ZC3H12C: variants seen among roughly 807,000 people sequenced by gnomAD.
The protein encoded by ZC3H12C is probable ribonuclease ZC3H12C.
ZC3H12C carries 20 observed loss-of-function variants against 76.3 expected under a neutral mutation model. The ratio of observed to expected loss-of-function variants is 0.26; its 90% confidence interval spans 0.18 to 0.38. ZC3H12C has a LOEUF of 0.38. Among genes scored for constraint, ZC3H12C ranks in the 10% least tolerant of loss-of-function variants. The probability of loss-of-function intolerance (pLI) is 1.00; values close to 1 mark genes in which losing one functional copy is unlikely to be tolerated. For synonymous variants in ZC3H12C, 352 were observed against 399.6 expected (o/e 0.88, Z 1.42); for missense variants, 874 against 1,086.5 (o/e 0.80, Z 2.75).
At chr11:110,151,004 A>T (rs1365507306) in intron 2 of ZC3H12C, among the ~76,000 whole-genome samples, 1 of 152,088 alleles carries the variant, frequency 6.6e-6, no homozygotes, top group Non-Finnish European at 1.5e-5. Flanking sequence ...CACATGGAGG[A>T]TTATATTTTT....
In ZC3H12C at chr11:110,117,869, TACAC is replaced by T. The variant is rs1331183710; in HGVS notation, c.22-18788_22-18785del. ...CACACACACATATATATAATATATA[TACAC>T]ACACATATATATATTATATATATAC... On this transcript the variant is annotated intron_variant, in intron 1 of 5. Transcript: ENST00000278590. Among the ~76,000 whole-genome samples, 176 of 74,848 alleles carry T rather than the reference TACAC, an allele frequency of 2.4e-3. 32 individuals are homozygous for T. The highest frequency in any genetic ancestry group is 3.9e-3 in the Non-Finnish European group (125 of 32,378). 49.1% of individuals were successfully genotyped at this position (74,848 alleles called of 152,430 possible).
At chr11:110,121,159 G>T (rs1861644583) in intron 1 of ZC3H12C, among the ~76,000 whole-genome samples, 1 of 152,194 alleles carries the variant, frequency 6.6e-6, no homozygotes, top group Admixed American at 6.5e-5. Flanking sequence ...AAAATTGAGA[G>T]AACTGCCGCT....
In ZC3H12C at chr11:110,165,608, T is replaced by A. The variant is rs139951125; in HGVS notation, c.2523T>A (p.Ile841=). The stretch of plus-strand genomic sequence containing the variant: ...GGTATCAAGACAACCGAGAAAAGAT[T>A]TATATCAATTTGTGCAACATCTTCC... ...PPRYQDNREK[I]YINLCNIFPP... The change falls in exon 6 of 6, where the codon ATT becomes ATA. Residue 841 remains isoleucine (I), a synonymous_variant. Transcript: ENST00000278590. 6.2e-7 allele frequency: 1 copy of A among 1,603,220 alleles called. No individual in the cohort carries two copies. Among genetic ancestry groups the A allele is most frequent in the East Asian group, 2.2e-5 (1 of 44,530 alleles).
intron 4 of ZC3H12C, among the ~76,000 whole-genome samples, chr11:110,159,876 G>A (rs1862446681): frequency 3.3e-5 from 5 of 152,208 alleles, no homozygotes; most frequent in Non-Finnish European, 2.9e-5. Context: ...CTTAACAACA[G>A]GGATACGTTC....
At chr11:110,125,937 C>T (rs1295975833) in intron 1 of ZC3H12C, among the ~76,000 whole-genome samples, 3 of 152,116 alleles carry the variant, frequency 2.0e-5, no homozygotes, top group East Asian at 1.9e-4. Context: ...AAATGAAACC[C>T]GGGGTTTAGT....
intron 3 of ZC3H12C, among the ~76,000 whole-genome samples, chr11:110,156,888 G>A (rs1468165215): frequency 6.6e-6 from 1 of 152,142 alleles, no homozygotes; most frequent in African/African-American, 2.4e-5. Flanking sequence ...TTCTAAAAGA[G>A]ATCAACAGTA....
chr11:110,160,090 C>G (rs1334907547), intron 4 of ZC3H12C, among the ~76,000 whole-genome samples: 1 of 152,194 alleles, frequency 6.6e-6, no homozygotes, highest in Non-Finnish European at 1.5e-5. Context: ...GTTTGTATAT[C>G]TAAACATACC....
rs887173273 is a variant in ZC3H12C, at chr11:110,108,038, C to T, written c.21+14606C>T. Among the ~76,000 whole-genome samples, 8 of 152,256 alleles carry T rather than the reference C, an allele frequency of 5.3e-5. No homozygotes were observed. In the East Asian group the frequency reaches 1.5e-3, roughly 29 times the overall value. ...TAATGGCTCACTGCAGCCTCAACTT[C>T]CCGGGCTCAAGCTATCCTCTCACCT... is the stretch of plus-strand genomic sequence containing the variant. On this transcript the variant is annotated intron_variant, in intron 1 of 5. Coordinates refer to ENST00000278590, the MANE Select transcript of ZC3H12C (RefSeq NM_033390.2).
chr11:110,140,253 G>T (rs892051892), intron 2 of ZC3H12C, among the ~76,000 whole-genome samples: 5 of 152,100 alleles, frequency 3.3e-5, no homozygotes, highest in Admixed American at 6.5e-5. Flanking sequence ...TCACATCACT[G>T]CACTCCAGCC....
At chr11:110,128,432 T>C (rs577331473) in intron 1 of ZC3H12C, among the ~76,000 whole-genome samples, 1 of 152,362 alleles carries the variant, frequency 6.6e-6, no homozygotes, top group East Asian at 1.9e-4. Context: ...GGCTTCCTGC[T>C]GAGCCCTGGG....
intron 2 of ZC3H12C, among the ~76,000 whole-genome samples, chr11:110,140,451 A>G (rs1862049200): frequency 6.6e-6 from 1 of 152,204 alleles, no homozygotes; most frequent in Non-Finnish European, 1.5e-5. Context: ...ATCCCATTTC[A>G]GCTTCTTCCA....
chr11:110,156,901 C>G (rs1862385711), intron 3 of ZC3H12C, among the ~76,000 whole-genome samples: 1 of 152,198 alleles, frequency 6.6e-6, no homozygotes, highest in South Asian at 2.1e-4. Flanking sequence ...CAACAGTAGG[C>G]CAGGCACAGT....
intron 1 of ZC3H12C, among the ~76,000 whole-genome samples, chr11:110,096,608 C>A (rs930980441): frequency 2.6e-5 from 4 of 152,072 alleles, no homozygotes; most frequent in African/African-American, 9.7e-5. Flanking sequence ...ACTTTATAAC[C>A]CATGATCTTA....
rs1417958416 is a variant in ZC3H12C, at chr11:110,164,892, G to C, written c.1807G>C (p.Gly603Arg). The C allele has an allele frequency of 6.2e-7, 1 of 1,613,962 alleles. No individual in the cohort carries two copies. The highest frequency in any genetic ancestry group is 8.5e-7 in the Non-Finnish European group (1 of 1,179,878). The change falls in exon 6 of 6, where the codon GGC (glycine) becomes CGC (arginine). Residue 603 changes from glycine to arginine, a missense_variant. By Grantham distance (125) the Gly-to-Arg change is moderately radical. Coordinates refer to ENST00000278590, the MANE Select transcript of ZC3H12C (RefSeq NM_033390.2). The surrounding 1 kb of genome is among the most constrained non-coding windows in gnomAD (Gnocchi z 5.7). Reference protein sequence around the residue: ...LNAYSNLSLSGPRSPERRFSL... With the variant: ...LNAYSNLSLSRPRSPERRFSL... ...TGCATACTCAAATCTGAGTCTCTCAGGCCCACGAAGCCCTGAAAGGCGTTT... is the reference window on the plus strand; with the variant it reads ...TGCATACTCAAATCTGAGTCTCTCACGCCCACGAAGCCCTGAAAGGCGTTT...
intron 1 of ZC3H12C, among the ~76,000 whole-genome samples, chr11:110,114,965 A>G (rs563912391): frequency 7.6e-4 from 116 of 152,328 alleles, no homozygotes; most frequent in African/African-American, 2.7e-3. Flanking sequence ...TTTAAATGTT[A>G]ATGAAATTAT....
chr11:110,102,972 A>G (rs572078406), intron 1 of ZC3H12C, among the ~76,000 whole-genome samples: 5 of 152,328 alleles, frequency 3.3e-5, no homozygotes, highest in Admixed American at 3.3e-4. Context: ...TTAAGAGACT[A>G]TAGAATAGTG....
chr11:110,094,736 G>A (rs894281208), intron 1 of ZC3H12C, among the ~76,000 whole-genome samples: 4 of 152,062 alleles, frequency 2.6e-5, no homozygotes, highest in Non-Finnish European at 4.4e-5. Context: ...TGCCTATTTC[G>A]GACTTGACCC....
chr11:110,165,304 G>C lies in ZC3H12C; in HGVS notation c.2219G>C (p.Gly740Ala). 6.2e-7 allele frequency: 1 copy of C among 1,613,986 alleles called. No homozygotes were observed. The highest frequency in any genetic ancestry group is 8.5e-7 in the Non-Finnish European group (1 of 1,179,884). Residue 740 changes from glycine (G) to alanine (A), a missense_variant, in exon 6 of 6, where the codon GGG (glycine) becomes GCG (alanine). Coordinates refer to ENST00000278590, the MANE Select transcript of ZC3H12C (RefSeq NM_033390.2). ...SSAHSKAPHL[G>A]RSLVATRIDS... ...GCACACTCTAAGGCACCACACCTAGGGAGGTCCTTGGTGGCCACGAGAATA... is the reference window on the plus strand; with the variant it reads ...GCACACTCTAAGGCACCACACCTAGCGAGGTCCTTGGTGGCCACGAGAATA...
intron 1 of ZC3H12C, among the ~76,000 whole-genome samples, chr11:110,122,705 G>A (rs1235828920): frequency 6.6e-6 from 1 of 152,124 alleles, no homozygotes; most frequent in African/African-American, 2.4e-5. Flanking sequence ...TATAAACTGG[G>A]CTTTGTGTTA....
Sources: gnomAD v4.1 joint callset for allele counts (sites outside exome capture counted in the v4.1 genomes callset) on GRCh38, gnomAD v4.1.1 for gene constraint, Gnocchi (gnomAD v3.1) non-coding constraint, MANE v1.5 for transcripts, NCBI Gene and HGNC (gene_info 2026-07-23, HGNC 2026-07-21) for gene names.